The following ELP4 variants were observed in gnomAD, a reference collection of about 807,000 sequenced individuals.
ELP4 encodes elongator acetyltransferase complex subunit 4.
A neutral mutation model predicts 48.9 loss-of-function variants in ELP4; 51 were observed. The observed-to-expected ratio is 1.04, with a 90% confidence interval of 0.83 to 1.32. The LOEUF is 1.32. Among genes scored for constraint, ELP4 ranks in the 40% most tolerant of loss-of-function variants. The pLI, the probability that ELP4 is intolerant of heterozygous loss-of-function variation, is 0.00. For synonymous variants in ELP4, 210 were observed against 189.2 expected (o/e 1.11, Z -0.90); for missense variants, 519 against 514.6 (o/e 1.01, Z -0.08).
chr11:31,690,130 G>A (rs1342742341), intron 9 of ELP4, among the ~76,000 whole-genome samples: 1 of 152,144 alleles, frequency 6.6e-6, no homozygotes, highest in East Asian at 1.9e-4. Context: ...TGAAAGACCT[G>A]AGGCTCAAGA....
chr11:31,662,923 C>T (rs1945595129), intron 9 of ELP4: 1 of 192,790 alleles, frequency 5.2e-6, no homozygotes. Flanking sequence ...CATCCAGCCT[C>T]TCTGTAATCA....
chr11:31,733,082 C>T (rs1947228063), intron 9 of ELP4, among the ~76,000 whole-genome samples: 2 of 152,278 alleles, frequency 1.3e-5, no homozygotes, highest in Middle Eastern at 3.4e-3. Flanking sequence ...ATACAAAACA[C>T]CATACCCAAC....
Position 31,662,669 on chromosome 11 carries a change from A to G in ELP4, c.1143+12448A>G, listed in dbSNP as rs1158453755. 9 of 397,270 alleles carry G rather than the reference A, an allele frequency of 2.3e-5. No homozygotes were observed. The East Asian group carries it at 3.2e-4, about 14-fold the overall frequency. The allele number at this position is 397,270 out of a possible 1,614,324, so 24.6% of individuals were successfully genotyped here. A position where few individuals can be genotyped will look rare whatever the true frequency, so the allele number is the denominator to read the frequency against. ...AGAAAATTTACTGAGAGAATTGTCA[A>G]TTTGGTGATAATGATTTATACTCTT... On this transcript the variant is annotated intron_variant, in intron 9 of 9. Coordinates refer to ENST00000640961, the MANE Select transcript of ELP4 (RefSeq NM_019040.5).
chr11:31,745,244 T>A (rs1333944637), intron 9 of ELP4, among the ~76,000 whole-genome samples: 1 of 151,994 alleles, frequency 6.6e-6, no homozygotes, highest in African/African-American at 2.4e-5. Context: ...TAAAAGAGGA[T>A]ACAAACAAAT....
chr11:31,648,832 C>T (rs899934267), intron 8 of ELP4: 3 of 151,188 alleles, frequency 2.0e-5, no homozygotes, highest in Non-Finnish European at 4.4e-5. Context: ...TATTTTCCAC[C>T]GAGTAAAGAG....
At chr11:31,532,282 C>T (rs920079456) in intron 2 of ELP4, among the ~76,000 whole-genome samples, 3 of 152,098 alleles carry the variant, frequency 2.0e-5, no homozygotes, top group Non-Finnish European at 2.9e-5. Context: ...GATAAGATAA[C>T]ATAAAACATG....
chr11:31,597,186 A>T (rs1440897970), intron 4 of ELP4, among the ~76,000 whole-genome samples: 1 of 152,234 alleles, frequency 6.6e-6, no homozygotes, highest in African/African-American at 2.4e-5. Context: ...CACATGAGCT[A>T]TTCATACAGC....
chr11:31,607,619 T>C (rs1957900285), intron 5 of ELP4, among the ~76,000 whole-genome samples: 1 of 152,176 alleles, frequency 6.6e-6, no homozygotes, highest in Non-Finnish European at 1.5e-5. Context: ...CACCTGAATT[T>C]TGTAGGGTAC....
In ELP4 at chr11:31,568,038, G is replaced by A. The variant is rs898468059; in HGVS notation, c.382-26732G>A. On this transcript the variant is annotated intron_variant, in intron 3 of 9. Transcript: ENST00000640961. ...GCTGTTTGGCAGCATTTTACCCACA[G>A]TAGAGCTTTTTTCAAAATGGGAGTC... Among the ~76,000 whole-genome samples, 15 of 152,314 alleles carry A rather than the reference G, an allele frequency of 9.8e-5. 1 individual carries two copies. Among genetic ancestry groups the A allele is most frequent in the Admixed American group, 7.8e-4 (12 of 15,300 alleles).
intron 9 of ELP4, among the ~76,000 whole-genome samples, chr11:31,776,838 A>G (rs988571852): frequency 2.6e-5 from 4 of 152,224 alleles, no homozygotes; most frequent in African/African-American, 9.6e-5. Flanking sequence ...AATCATTTTA[A>G]TCTTAAACCC....
intron 3 of ELP4, among the ~76,000 whole-genome samples, chr11:31,558,409 G>T (rs1956962087): frequency 6.6e-6 from 1 of 152,144 alleles, no homozygotes; most frequent in Non-Finnish European, 1.5e-5. Context: ...ACTAGCTAGT[G>T]AGAACCATTG....
intron 7 of ELP4, among the ~76,000 whole-genome samples, chr11:31,641,663 G>A (rs1945100182): frequency 6.6e-6 from 1 of 151,836 alleles, no homozygotes; most frequent in Admixed American, 6.6e-5. Flanking sequence ...GACCTTGCCA[G>A]CAGAGGGAGT....
At chr11:31,623,886 A>G (rs1005216170) in intron 5 of ELP4, among the ~76,000 whole-genome samples, 14 of 151,722 alleles carry the variant, frequency 9.2e-5, no homozygotes, top group Non-Finnish European at 2.1e-4. Flanking sequence ...TAACTCAATT[A>G]AAAAATTGGA....
chr11:31,724,811 A>C (rs185600526), intron 9 of ELP4, among the ~76,000 whole-genome samples: 1 of 152,228 alleles, frequency 6.6e-6, no homozygotes, highest in Admixed American at 6.5e-5. Flanking sequence ...TGTCCCTTAC[A>C]TATATCTTTG....
chr11:31,542,560 A>G (rs1287161887), intron 3 of ELP4, among the ~76,000 whole-genome samples: 1 of 152,212 alleles, frequency 6.6e-6, no homozygotes, highest in Admixed American at 6.5e-5. Flanking sequence ...GAGTATTTAG[A>G]AGAGTTTTGC....
At chr11:31,599,953 T>C (rs571293347) in intron 4 of ELP4, 49 of 152,314 alleles carry the variant, frequency 3.2e-4, no homozygotes, top group Middle Eastern at 3.4e-3. Flanking sequence ...CTGTGTTTTC[T>C]TTATTTTACT....
chr11:31,583,473 C>T (rs575617518), intron 3 of ELP4, among the ~76,000 whole-genome samples: 21 of 152,056 alleles, frequency 1.4e-4, no homozygotes, highest in African/African-American at 4.3e-4. Context: ...TGGTGGTGTG[C>T]GGCATGTGGT....
At chr11:31,583,040 T>G (rs567641669) in intron 3 of ELP4, among the ~76,000 whole-genome samples, 4 of 152,312 alleles carry the variant, frequency 2.6e-5, no homozygotes, top group Admixed American at 1.3e-4. Flanking sequence ...GTTTGAACTT[T>G]CCATTTCTCT....
At chr11:31,744,655 T>C (rs1027048039) in intron 9 of ELP4, among the ~76,000 whole-genome samples, 2 of 152,188 alleles carry the variant, frequency 1.3e-5, no homozygotes, top group African/African-American at 4.8e-5. Context: ...ATTATCTCAA[T>C]AGATGCAGAG....
Sources: gnomAD v4.1 joint callset for allele counts (sites outside exome capture counted in the v4.1 genomes callset) on GRCh38, gnomAD v4.1.1 for gene constraint, MANE v1.5 for transcripts, NCBI Gene and HGNC (gene_info 2026-07-23, HGNC 2026-07-21) for gene names.